The following MAP3K10 variants were observed in gnomAD, a reference collection of about 807,000 sequenced individuals.
MAP3K10 encodes MKN28 derived nonreceptor_type serine/threonine kinase.
A neutral mutation model predicts 75.0 loss-of-function variants in MAP3K10; 22 were observed. The ratio of observed to expected loss-of-function variants is 0.29; its 90% CI spans 0.21 to 0.42. The LOEUF (loss-of-function observed/expected upper bound fraction) is 0.42, where lower values mean the gene tolerates loss of function less well. MAP3K10 is among the 10% of genes least tolerant of loss of function. The pLI is 1.00. For missense variants in MAP3K10, 1,165 were observed against 1,379.8 expected (o/e 0.84, Z 2.47); for synonymous variants, 599 against 612.9 (o/e 0.98, Z 0.34).
At position 40,204,413 on chromosome 19, in the gene MAP3K10, A is replaced by G. The variant is rs1973077192; in HGVS notation, c.864-72A>G. ...GGTGAGGGCAGCCCTGCATGGGACC[A>G]AGGGCAGGGCTGGGTATAGGTGAGG... On this transcript the variant is annotated intron_variant, in intron 2 of 9. Transcript: ENST00000253055. The surrounding 1 kb of genome is among the most constrained non-coding windows in gnomAD (Gnocchi z 4.3). 1 of 1,535,192 alleles carries G rather than the reference A, an allele frequency of 6.5e-7. No homozygotes were observed. The highest frequency in any genetic ancestry group is 1.2e-5 in the South Asian group (1 of 83,564).
At position 40,205,394 on chromosome 19, in the gene MAP3K10, G is replaced by A; in HGVS notation, c.1188+98G>A. The A allele has an allele frequency of 7.7e-7, 1 of 1,299,680 alleles. No individual in the cohort carries two copies. Among genetic ancestry groups the A allele is most frequent in the Non-Finnish European group, 1.1e-6 (1 of 930,460 alleles). The allele number at this position is 1,299,680 out of a possible 1,614,324, so 80.5% of individuals were successfully genotyped here. A position where few individuals can be genotyped will look rare whatever the true frequency, so the allele number is the denominator to read the frequency against. ...CTCCTCCCCTGAACCCCAGCCTTTG[G>A]GTCCATGCAGGGTCAAGGGAGCCTT... On this transcript the variant is annotated intron_variant, in intron 4 of 9. Transcript: ENST00000253055. This position sits in a 1 kb window ranked among gnomAD's most constrained non-coding sequence, Gnocchi z 4.3.
intron 5 of MAP3K10, among the ~76,000 whole-genome samples, chr19:40,208,363 T>TTTTTTA (rs1555756667): frequency 0.042 from 4,649 of 111,528 alleles, 107 homozygotes; most frequent in African/African-American, 0.068. Flanking sequence ...TTTTTTTTTT[T>TTTTTTA]TTTTTTGTAT....
At chr19:40,208,366 T>TTTTTTTTTTTA (rs1408319138) in intron 5 of MAP3K10, among the ~76,000 whole-genome samples, 2 of 131,482 alleles carry the variant, frequency 1.5e-5, no homozygotes, top group African/African-American at 2.8e-5. Flanking sequence ...TTTTTTTTTT[T>TTTTTTTTTTTA]TTTGTATTTT....
At chr19:40,214,441 G>C (rs1442469562) in intron 9 of MAP3K10, among the ~76,000 whole-genome samples, 2 of 152,202 alleles carry the variant, frequency 1.3e-5, no homozygotes, top group East Asian at 3.9e-4. Flanking sequence ...GGCCAGGCAG[G>C]TGCCTATAGC....
Position 40,214,011 on chromosome 19 carries a change from C to T in MAP3K10, c.2332C>T (p.Pro778Ser), listed in dbSNP as rs1973297273. ...CGCACCGGCCGCGCCCTCCCCACCA[C>T]CCTCCCCGCCCGCGCCCACACCCAC... Reference protein sequence around the residue: ...EAAPAAPSPPPSPPAPTPTPS... With the variant: ...EAAPAAPSPPSSPPAPTPTPS... Residue 778 changes from proline to serine, a missense_variant, in exon 9 of 10, where the codon CCC (proline) becomes TCC (serine). Coordinates refer to ENST00000253055, the MANE Select transcript of MAP3K10 (RefSeq NM_002446.4). The T allele has an allele frequency of 6.7e-7, 1 of 1,491,840 alleles. No individual in the cohort carries two copies. 92.4% of individuals were successfully genotyped at this position (1,491,840 alleles called of 1,614,324 possible). A position where few individuals can be genotyped will look rare whatever the true frequency, so the allele number is the denominator to read the frequency against.
intron 1 of MAP3K10, among the ~76,000 whole-genome samples, chr19:40,196,550 G>T (rs1018991686): frequency 6.6e-6 from 1 of 152,036 alleles, no homozygotes; most frequent in Non-Finnish European, 1.5e-5. Flanking sequence ...ATGGAGTCTC[G>T]CTCTGTCATC....
Position 40,192,397 on chromosome 19 carries a change from G to A in MAP3K10, c.366G>A (p.Val122=), listed in dbSNP as rs1568485648. 1 of 1,613,900 alleles carries A rather than the reference G, an allele frequency of 6.2e-7. No individual in the cohort carries two copies. Among genetic ancestry groups the A allele is most frequent in the Non-Finnish European group, 8.5e-7 (1 of 1,179,946 alleles). ...VYRALWRGEE[V]AVKAARLDPE... is the part of the protein sequence containing the mutation. ...GGGCCCTGTGGCGTGGCGAGGAGGT[G>A]GCAGTCAAGGCCGCCCGGCTGGACC... Residue 122 remains valine, a synonymous_variant, in exon 1 of 10, where the codon GTG becomes GTA. Coordinates refer to ENST00000253055, the MANE Select transcript of MAP3K10 (RefSeq NM_002446.4). This position sits in a 1 kb window ranked among gnomAD's most constrained non-coding sequence, Gnocchi z 7.1.
chr19:40,206,030 G>A lies in MAP3K10; in HGVS notation c.1308G>A (p.Arg436=). Residue 436 remains arginine (R), a synonymous_variant, in exon 5 of 10, where the codon CGG becomes CGA. Transcript: ENST00000253055. Reference sequence around the variant, plus strand: ...AACGTGAGATGGACATCGTGGAACGGGAGCTGCACCTGCTCATGTGCCAGC... The same window carrying A: ...AACGTGAGATGGACATCGTGGAACGAGAGCTGCACCTGCTCATGTGCCAGC... ...LAEREMDIVE[R]ELHLLMCQLS... The A allele has an allele frequency of 6.2e-7, 1 of 1,613,390 alleles. No homozygotes were observed. The highest frequency in any genetic ancestry group is 8.5e-7 in the Non-Finnish European group (1 of 1,179,674).
In MAP3K10 at chr19:40,212,734, G is replaced by A; in HGVS notation, c.1553-71G>A. ...AGGCGGAGGGTGGGCCTGAGCTGGGGGCACTGGAGGCTGGGAGCCCAGTGG... is the reference window on the plus strand; with the variant it reads ...AGGCGGAGGGTGGGCCTGAGCTGGGAGCACTGGAGGCTGGGAGCCCAGTGG... On this transcript the variant is annotated intron_variant, in intron 6 of 9. Coordinates refer to ENST00000253055, the MANE Select transcript of MAP3K10 (RefSeq NM_002446.4). The surrounding 1 kb of genome is among the most constrained non-coding windows in gnomAD (Gnocchi z 4.2). 3.2e-6 allele frequency: 5 copies of A among 1,544,354 alleles called. No individual in the cohort carries two copies. The highest frequency in any genetic ancestry group is 4.4e-6 in the Non-Finnish European group (5 of 1,144,278).
chr19:40,214,010 A>ACCCCCCCCCCCCCCCCCCCCC lies in MAP3K10; in HGVS notation c.2334_2335insCCCCCCCCCCCCCCCCCCCCC (p.Pro778_Ser779insProProProProProProPro). The ACCCCCCCCCCCCCCCCCCCCC allele has an allele frequency of 1.4e-6, 1 of 726,368 alleles. No individual in the cohort carries two copies. The highest frequency in any genetic ancestry group is 1.9e-6 in the Non-Finnish European group (1 of 538,524). The allele number at this position is 726,368 out of a possible 1,614,324, so 45.0% of individuals were successfully genotyped here. A position where few individuals can be genotyped will look rare whatever the true frequency, so the allele number is the denominator to read the frequency against. On this transcript the variant is annotated inframe_insertion, in exon 9 of 10. Coordinates refer to ENST00000253055, the MANE Select transcript of MAP3K10 (RefSeq NM_002446.4). ...CCGCACCGGCCGCGCCCTCCCCACC[A>ACCCCCCCCCCCCCCCCCCCCC]CCCTCCCCGCCCGCGCCCACACCCA...
At position 40,195,586 on chromosome 19, in the gene MAP3K10, C is replaced by G. The variant is rs980570914; in HGVS notation, c.683-2789C>G. Among the ~76,000 whole-genome samples, 3 of 149,494 alleles carry G rather than the reference C, an allele frequency of 2.0e-5. No individual in the cohort carries two copies. The South Asian group carries it at 6.4e-4, about 32-fold the overall frequency. ...ACAGCTCACTGAACCTTCCGCCTCC[C>G]GGGTTCAAGTGATCCTTCCACCTCA... On this transcript the variant is annotated intron_variant, in intron 1 of 9. Transcript: ENST00000253055.
At chr19:40,208,345 C>CTTTTTTTTTTTTTTTTTTTTTTTT in intron 5 of MAP3K10, among the ~76,000 whole-genome samples, 1 of 55,904 alleles carries the variant, frequency 1.8e-5, no homozygotes, top group Non-Finnish European at 3.3e-5. Context: ...CTCTTTCTTT[C>CTTTTTTTTTTTTTTTTTTTTTTTT]TTTTTTTTTT....
Position 40,205,061 on chromosome 19 carries a change from C to T in MAP3K10, c.1013-60C>T, listed in dbSNP as rs1973091428. ...GCCTTCCTCTGAGCAGGCTGAGTCCCCAGAGCATGACCACTGACACCTCCA... is the reference window on the plus strand; with the variant it reads ...GCCTTCCTCTGAGCAGGCTGAGTCCTCAGAGCATGACCACTGACACCTCCA... On this transcript the variant is annotated intron_variant, in intron 3 of 9. Transcript: ENST00000253055. This position sits in a 1 kb window ranked among gnomAD's most constrained non-coding sequence, Gnocchi z 4.3. 6.6e-7 allele frequency: 1 copy of T among 1,505,050 alleles called. No homozygotes were observed. The highest frequency in any genetic ancestry group is 1.4e-5 in the African/African-American group (1 of 72,856). 93.2% of individuals were successfully genotyped at this position (1,505,050 alleles called of 1,614,324 possible).
chr19:40,202,641 T>G (rs565021890), intron 2 of MAP3K10, among the ~76,000 whole-genome samples: 5 of 152,250 alleles, frequency 3.3e-5, no homozygotes, highest in Non-Finnish European at 7.4e-5. Flanking sequence ...ATAAATTTAT[T>G]TTTCATTTAA....
chr19:40,195,208 T>C (rs1435312965), intron 1 of MAP3K10, among the ~76,000 whole-genome samples: 2 of 152,090 alleles, frequency 1.3e-5, no homozygotes, highest in Middle Eastern at 3.2e-3. Context: ...GTATTTTATT[T>C]GATGTAGTGG....
rs201388560 is a variant in MAP3K10 at position 40,213,994 on chromosome 19, C to G, written c.2315C>G (p.Ala772Gly). 9.8e-5 allele frequency: 150 copies of G among 1,525,594 alleles called. No individual in the cohort carries two copies. In the East Asian group the frequency reaches 3.8e-3, roughly 38 times the overall value. The allele number at this position is 1,525,594 out of a possible 1,614,324, so 94.5% of individuals were successfully genotyped here. A position where few individuals can be genotyped will look rare whatever the true frequency, so the allele number is the denominator to read the frequency against. ...LRSDSDEAAPAAPSPPPSPPA... is the reference protein window; with the variant it reads ...LRSDSDEAAPGAPSPPPSPPA... ...TCTGACAGTGACGAGGCCGCACCGG[C>G]CGCGCCCTCCCCACCACCCTCCCCG... Residue 772 changes from alanine (A) to glycine (G), a missense_variant, in exon 9 of 10, where the codon GCC becomes GGC. Coordinates refer to ENST00000253055, the MANE Select transcript of MAP3K10 (RefSeq NM_002446.4). This position sits in a 1 kb window ranked among gnomAD's most constrained non-coding sequence, Gnocchi z 5.7.
chr19:40,211,626 T>C (rs1298347482), intron 6 of MAP3K10, among the ~76,000 whole-genome samples: 1 of 150,726 alleles, frequency 6.6e-6, no homozygotes, highest in Non-Finnish European at 1.5e-5. Flanking sequence ...GAACATGCAG[T>C]GTTTGGCTTT....
At chr19:40,207,507 G>A (rs201504900) in intron 5 of MAP3K10, among the ~76,000 whole-genome samples, 1 of 152,082 alleles carries the variant, frequency 6.6e-6, no homozygotes, top group Non-Finnish European at 1.5e-5. Context: ...GGGCTAAGAC[G>A]GGCAGATCAC....
At chr19:40,196,323 G>A (rs1190571482) in intron 1 of MAP3K10, among the ~76,000 whole-genome samples, 19 of 152,174 alleles carry the variant, frequency 1.2e-4, no homozygotes, top group Non-Finnish European at 1.5e-5. Flanking sequence ...TCTTGGCCAA[G>A]TGACTTCTGA....
Sources: gnomAD v4.1 joint callset for allele counts (sites outside exome capture counted in the v4.1 genomes callset) on GRCh38, gnomAD v4.1.1 for gene constraint, Gnocchi (gnomAD v3.1) non-coding constraint, MANE v1.5 for transcripts, NCBI Gene and HGNC (gene_info 2026-07-23, HGNC 2026-07-21) for gene names.